The following ADAM32 variants were observed in gnomAD, a reference collection of about 807,000 sequenced individuals.
The protein encoded by ADAM32 is disintegrin and metalloproteinase domain-containing protein 32.
ADAM32 carries 89 observed loss-of-function variants against 114.9 expected under a neutral mutation model. The observed-to-expected ratio is 0.77, with a 90% confidence interval of 0.65 to 0.92. The LOEUF is 0.92. Among genes scored for constraint, ADAM32 ranks in the 40% least tolerant of loss-of-function variants. ADAM32 has a pLI of 0.00. For missense variants in ADAM32, 870 were observed against 932.8 expected (o/e 0.93, Z 0.88); for synonymous variants, 285 against 307.5 (o/e 0.93, Z 0.77).
chr8:39,164,517 C>G (rs1016972781), intron 7 of ADAM32, among the ~76,000 whole-genome samples: 2 of 152,146 alleles, frequency 1.3e-5, no homozygotes, highest in Non-Finnish European at 2.9e-5. Context: ...ATAGTAAATC[C>G]ATTCTTTGTT....
chr8:39,281,107 A>AAT, intron 22 of ADAM32, 29 bp from the exon 23 acceptor site: 1 of 1,153,840 alleles, frequency 8.7e-7, no homozygotes, highest in Non-Finnish European at 1.1e-6. Flanking sequence ...ATAGATATTT[A>AAT]ATATATATTG....
chr8:39,274,124 G>C (rs1812922234), intron 20 of ADAM32, among the ~76,000 whole-genome samples, 188 bp from the exon 21 acceptor site: 1 of 152,108 alleles, frequency 6.6e-6, no homozygotes, highest in Non-Finnish European at 1.5e-5. Context: ...TTGTGGATGA[G>C]GTATATGGGT....
chr8:39,142,781 A>G (rs1381401855), intron 3 of ADAM32, among the ~76,000 whole-genome samples: 2 of 152,192 alleles, frequency 1.3e-5, no homozygotes, highest in Non-Finnish European at 2.9e-5. Flanking sequence ...TCTCCTGGAT[A>G]ATATCCTGAA....
chr8:39,283,489 C>T (rs887665140), intron 23 of ADAM32, 97 bp from the exon 24 acceptor site: 48 of 860,220 alleles, frequency 5.6e-5, no homozygotes, highest in East Asian at 4.6e-4. Context: ...CAACTTTGAA[C>T]GGAAAGAGGA....
At chr8:39,265,142 T>C (rs187041719) in intron 19 of ADAM32, among the ~76,000 whole-genome samples, 47 of 152,350 alleles carry the variant, frequency 3.1e-4, no homozygotes, top group African/African-American at 1.1e-3. Flanking sequence ...CATCTCTTCG[T>C]AGGTCTCTAG....
intron 1 of ADAM32, among the ~76,000 whole-genome samples, chr8:39,111,035 G>A (rs1392530577): frequency 6.6e-6 from 1 of 152,162 alleles, no homozygotes; most frequent in Non-Finnish European, 1.5e-5. Context: ...CTTGCATAAT[G>A]TTTTCAAGGT....
chr8:39,244,107 G>A (rs1465934110), intron 16 of ADAM32, among the ~76,000 whole-genome samples: 1 of 152,112 alleles, frequency 6.6e-6, no homozygotes, highest in Non-Finnish European at 1.5e-5. Flanking sequence ...ATTGCTGAAA[G>A]AAATTATAGA....
At chr8:39,273,209 A>G (rs7015352) in intron 20 of ADAM32, among the ~76,000 whole-genome samples, 11,751 of 152,140 alleles carry the variant, frequency 0.077, 1,566 homozygotes, top group African/African-American at 0.27. Flanking sequence ...AAATAATGAT[A>G]AAAAGGACAG....
intron 19 of ADAM32, among the ~76,000 whole-genome samples, chr8:39,262,475 G>C (rs573222160): frequency 6.6e-6 from 1 of 152,122 alleles, no homozygotes; most frequent in Non-Finnish European, 1.5e-5. Flanking sequence ...GAGTCTGGTA[G>C]TACAATTCTT....
intron 2 of ADAM32, among the ~76,000 whole-genome samples, chr8:39,135,551 C>T (rs1245504974): frequency 1.3e-5 from 2 of 152,096 alleles, no homozygotes; most frequent in Non-Finnish European, 1.5e-5. Flanking sequence ...AGTATTGATA[C>T]ATTACTAGTA....
At chr8:39,231,918 G>T (rs766855832) in intron 14 of ADAM32, 109 bp from the exon 15 acceptor site, 2 of 897,488 alleles carry the variant, frequency 2.2e-6, no homozygotes, top group African/African-American at 3.4e-5. Flanking sequence ...TAGGAAAAAT[G>T]TTTCAATTAG....
At chr8:39,243,257 A>G (rs1810682288) in intron 16 of ADAM32, among the ~76,000 whole-genome samples, 1 of 152,192 alleles carries the variant, frequency 6.6e-6, no homozygotes, top group African/African-American at 2.4e-5. Context: ...AGATAGAGAA[A>G]GAGGGAATTT....
At chr8:39,126,866 T>C (rs1588478783) in intron 2 of ADAM32, among the ~76,000 whole-genome samples, 1 of 152,136 alleles carries the variant, frequency 6.6e-6, no homozygotes, top group African/African-American at 2.4e-5. Context: ...TTACTGAGGG[T>C]TTTTAACATG....
At chr8:39,257,874 A>G (rs1332135146) in intron 19 of ADAM32, among the ~76,000 whole-genome samples, 2 of 152,154 alleles carry the variant, frequency 1.3e-5, no homozygotes, top group African/African-American at 4.8e-5. Flanking sequence ...ATGGGAAATA[A>G]ACAGATATTA....
intron 1 of ADAM32, among the ~76,000 whole-genome samples, chr8:39,108,909 A>G (rs1189534245): frequency 2.0e-5 from 3 of 152,138 alleles, no homozygotes; most frequent in African/African-American, 7.2e-5. Context: ...GAAAGACAGG[A>G]GGAGGAAATT....
At chr8:39,180,454 C>G (rs914532600) in intron 10 of ADAM32, among the ~76,000 whole-genome samples, 8 of 152,246 alleles carry the variant, frequency 5.3e-5, no homozygotes, top group Non-Finnish European at 1.2e-4. Flanking sequence ...CCCCGACGAG[C>G]GCTGCCCCCT....
chr8:39,238,161 C>T (rs993091151), intron 16 of ADAM32, among the ~76,000 whole-genome samples: 5 of 152,226 alleles, frequency 3.3e-5, no homozygotes, highest in Admixed American at 3.3e-4. Context: ...ACCAAGGACT[C>T]TCACAGAATC....
At chr8:39,284,735 G>A (rs1442177295) in intron 24 of ADAM32, 58 bp from the exon 25 acceptor site, 16 of 1,599,390 alleles carry the variant, frequency 1.0e-5, no homozygotes, top group Non-Finnish European at 1.4e-5. Context: ...TGCTTGTACA[G>A]TGGGAGGGAA....
intron 3 of ADAM32, among the ~76,000 whole-genome samples, chr8:39,142,294 G>A (rs1359516012): frequency 6.6e-6 from 1 of 152,108 alleles, no homozygotes; most frequent in African/African-American, 2.4e-5. Flanking sequence ...TTTCTTCATG[G>A]CATTGATGGT....
Sources: gnomAD v4.1 joint callset for allele counts (sites outside exome capture counted in the v4.1 genomes callset) on GRCh38, gnomAD v4.1.1 for gene constraint, MANE v1.5 for transcripts, NCBI Gene and HGNC (gene_info 2026-07-23, HGNC 2026-07-21) for gene names.